The following MSRA variants were observed in gnomAD, a reference collection of about 807,000 sequenced individuals.
MSRA encodes methionine sulfoxide reductase A, also known as mitochondrial peptide methionine sulfoxide reductase.
In MSRA, 54 loss-of-function variants were observed where a neutral mutation model predicts 31.3. The observed-to-expected ratio is 1.73, with a 90% CI of 1.39 to 2.17. MSRA has a LOEUF of 2.17. MSRA is among the 30% of genes most tolerant of loss of function. The probability of loss-of-function intolerance (pLI) is 0.00; values close to 1 mark genes in which losing one functional copy is unlikely to be tolerated. For synonymous variants in MSRA, 169 were observed against 116.5 expected, an observed-to-expected ratio of 1.45 and a Z score of -2.90; for missense variants, 507 against 300.9, an observed-to-expected ratio of 1.69 and a Z score of -5.07.
intron 5 of MSRA, among the ~76,000 whole-genome samples, chr8:10,366,038 G>A (rs1007794530): frequency 6.6e-6 from 1 of 152,244 alleles, no homozygotes; most frequent in Non-Finnish European, 1.5e-5. Flanking sequence ...CAGATAGGCA[G>A]GAAGTGATGT....
At chr8:10,415,852 G>C (rs746710510) in intron 5 of MSRA, among the ~76,000 whole-genome samples, 4 of 151,828 alleles carry the variant, frequency 2.6e-5, no homozygotes, top group African/African-American at 9.7e-5. Flanking sequence ...TCCCAGTTCA[G>C]TGCCCACCTC....
At chr8:10,358,081 C>A (rs1280744058) in intron 5 of MSRA, among the ~76,000 whole-genome samples, 1 of 152,122 alleles carries the variant, frequency 6.6e-6, no homozygotes, top group Non-Finnish European at 1.5e-5. Context: ...CACCACCATG[C>A]CCAGCTAATT....
At chr8:10,207,760 A>T (rs2129060003) in intron 1 of MSRA, 73 bp from the exon 2 acceptor site, 1 of 1,346,656 alleles carries the variant, frequency 7.4e-7, no homozygotes, top group Admixed American at 2.1e-5. Flanking sequence ...GCTCATTGAC[A>T]CATTTAATGA....
chr8:10,348,159 C>T (rs1803901879), intron 5 of MSRA, among the ~76,000 whole-genome samples: 2 of 152,030 alleles, frequency 1.3e-5, no homozygotes, highest in African/African-American at 4.8e-5. Context: ...AATCCTGAGA[C>T]CATATAGACA....
intron 4 of MSRA, among the ~76,000 whole-genome samples, chr8:10,308,493 C>T (rs530015799): frequency 6.6e-6 from 1 of 152,194 alleles, no homozygotes; most frequent in Non-Finnish European, 1.5e-5. Flanking sequence ...ATTCCCTGCT[C>T]CATAATGCCC....
chr8:10,412,009 A>T (rs1210430774), intron 5 of MSRA, among the ~76,000 whole-genome samples: 1 of 152,242 alleles, frequency 6.6e-6, no homozygotes, highest in Non-Finnish European at 1.5e-5. Context: ...ATAAACTCAG[A>T]ATACAGGAGT....
At chr8:10,279,785 C>T (rs1294479803) in intron 3 of MSRA, among the ~76,000 whole-genome samples, 2 of 152,176 alleles carry the variant, frequency 1.3e-5, no homozygotes, top group African/African-American at 4.8e-5. Context: ...CTATGTTTAG[C>T]ATCCATTATG....
chr8:10,129,911 C>T (rs1400996252), intron 1 of MSRA, among the ~76,000 whole-genome samples: 1 of 152,070 alleles, frequency 6.6e-6, no homozygotes, highest in Non-Finnish European at 1.5e-5. Flanking sequence ...TGAATACATA[C>T]ATATCTATAT....
intron 1 of MSRA, among the ~76,000 whole-genome samples, chr8:10,126,858 T>C (rs1429166908): frequency 6.6e-6 from 1 of 152,204 alleles, no homozygotes; most frequent in Non-Finnish European, 1.5e-5. Flanking sequence ...ATCTTGCACA[T>C]GCAGTTCACA....
chr8:10,129,557 A>C (rs756937048), intron 1 of MSRA, among the ~76,000 whole-genome samples: 13 of 152,052 alleles, frequency 8.5e-5, no homozygotes, highest in Non-Finnish European at 1.9e-4. Flanking sequence ...CTTGAGGAAG[A>C]GAAGGGGAAG....
Position 10,304,003 on chromosome 8 carries a change from G to A in MSRA, c.436+2365G>A, listed in dbSNP as rs116518161. Among the ~76,000 whole-genome samples the A allele has an allele frequency of 9.7e-3, 1,479 of 152,108 alleles. 27 individuals carry two copies. Among genetic ancestry groups the A allele is most frequent in the African/African-American group, 0.034 (1,430 of 41,484 alleles). On this transcript the variant is annotated intron_variant, in intron 4 of 5. Transcript: ENST00000317173. ...CAAGCTGGAGTGCAGTGGCGTGATC[G>A]CGTCTCACTGAACCCTCCACCTCCC... is the stretch of plus-strand genomic sequence containing the variant.
chr8:10,076,443 C>T lies in MSRA; in HGVS notation c.142+21785C>T, dbSNP rs149272263. Among the ~76,000 whole-genome samples, 32 of 152,290 alleles carry T rather than the reference C, an allele frequency of 2.1e-4. No individual in the cohort carries two copies. The East Asian group carries it at 5.4e-3, about 26-fold the overall frequency. ...TTTTGGGAGAACTGGCCTCTGGGTC[C>T]ACCTATGAAGCAGGAAGGTTGATTA... On this transcript the variant is annotated intron_variant, in intron 1 of 5. Coordinates refer to ENST00000317173, the MANE Select transcript of MSRA (RefSeq NM_012331.5).
chr8:10,152,522 A>T (rs1210905050), intron 1 of MSRA, among the ~76,000 whole-genome samples: 2 of 152,196 alleles, frequency 1.3e-5, no homozygotes, highest in South Asian at 4.1e-4. Flanking sequence ...ATGGATATTT[A>T]GAAGCTTCAG....
intron 5 of MSRA, among the ~76,000 whole-genome samples, chr8:10,394,777 G>A (rs939298222): frequency 6.6e-6 from 1 of 152,220 alleles, no homozygotes; most frequent in Non-Finnish European, 1.5e-5. Flanking sequence ...ACACTAGGAG[G>A]CACAAATGGG....
intron 1 of MSRA, among the ~76,000 whole-genome samples, chr8:10,063,324 C>T (rs999853967): frequency 2.6e-5 from 4 of 152,216 alleles, no homozygotes; most frequent in Non-Finnish European, 5.9e-5. Context: ...GCATTATCAA[C>T]ATCTACCTAA....
chr8:10,208,273 CT>C (rs888922805), intron 2 of MSRA, among the ~76,000 whole-genome samples: 2 of 151,656 alleles, frequency 1.3e-5, no homozygotes, highest in African/African-American at 4.8e-5. Context: ...GTAGTTTTGA[CT>C]TATTATTACA....
At chr8:10,220,224 A>C (rs1810372831) in intron 2 of MSRA, among the ~76,000 whole-genome samples, 1 of 152,234 alleles carries the variant, frequency 6.6e-6, no homozygotes, top group Non-Finnish European at 1.5e-5. Context: ...TACACAAAGA[A>C]TTATATTTGA....
intron 3 of MSRA, among the ~76,000 whole-genome samples, chr8:10,287,824 C>A (rs945571833): frequency 2.6e-5 from 4 of 152,152 alleles, no homozygotes; most frequent in African/African-American, 9.7e-5. Flanking sequence ...TCACCCTTTC[C>A]TCTGTAAAGT....
chr8:10,153,452 G>A (rs551827744), intron 1 of MSRA, among the ~76,000 whole-genome samples: 71 of 152,056 alleles, frequency 4.7e-4, no homozygotes, highest in African/African-American at 1.6e-3. Flanking sequence ...CTCACATTTG[G>A]TTGTCTTTAT....
Sources: gnomAD v4.1 joint callset for allele counts (sites outside exome capture counted in the v4.1 genomes callset) on GRCh38, gnomAD v4.1.1 for gene constraint, MANE v1.5 for transcripts, NCBI Gene and HGNC (gene_info 2026-07-23, HGNC 2026-07-21) for gene names.